PIK3C2G: variants seen among roughly 807,000 people sequenced by gnomAD.
The protein encoded by PIK3C2G is phosphatidylinositol 3-kinase C2 domain-containing subunit gamma.
Under a neutral mutation model 181.1 loss-of-function variants are expected in PIK3C2G, and 168 were observed. The observed-to-expected ratio is 0.93, with a 90% CI of 0.82 to 1.05. The LOEUF is 1.05. PIK3C2G is among the 50% of genes least tolerant of loss of function. PIK3C2G has a pLI of 0.00. For missense variants in PIK3C2G, 1,869 were observed against 1,732.8 expected (o/e 1.08, Z -1.40); for synonymous variants, 573 against 592.2 (o/e 0.97, Z 0.47).
the PIK3C2G span, among the ~76,000 whole-genome samples, chr12:18,667,480 A>G: frequency 6.2e-4 from 95 of 152,190 alleles, no homozygotes; most frequent in Non-Finnish European, 1.2e-3. Context: ...TTTTGAGAAT[A>G]TAATTTTAGT....
chr12:18,550,179 G>A (rs1157331284), intron 26 of PIK3C2G, among the ~76,000 whole-genome samples: 2 of 151,910 alleles, frequency 1.3e-5, no homozygotes, highest in African/African-American at 4.8e-5. Flanking sequence ...TCTTACAGAG[G>A]GGCCAGCAGC....
intron 29 of PIK3C2G, among the ~76,000 whole-genome samples, chr12:18,581,295 TTAGA>T (rs1946488378): frequency 6.6e-6 from 1 of 152,344 alleles, no homozygotes; most frequent in East Asian, 1.9e-4. Flanking sequence ...AAATCCTATA[TTAGA>T]TAAACATATC....
intron 31 of PIK3C2G, among the ~76,000 whole-genome samples, chr12:18,626,825 T>A (rs1949120593): frequency 6.6e-6 from 1 of 152,056 alleles, no homozygotes; most frequent in Admixed American, 6.6e-5. Context: ...ATTTTTTCTT[T>A]GATTTTTTTA....
intron 22 of PIK3C2G, among the ~76,000 whole-genome samples, chr12:18,500,986 C>T (rs1285607340): frequency 2.0e-5 from 3 of 152,090 alleles, no homozygotes; most frequent in African/African-American, 4.8e-5. Context: ...ACACTCACCG[C>T]GTAGGTCCGC....
intron 1 of PIK3C2G, among the ~76,000 whole-genome samples, chr12:18,277,680 G>T (rs947206484): frequency 3.9e-5 from 6 of 152,062 alleles, no homozygotes; most frequent in Admixed American, 6.6e-5. Context: ...TCTCAGAAAG[G>T]TTCCTTTTTT....
chr12:18,377,210 A>G (rs969142217), intron 13 of PIK3C2G, among the ~76,000 whole-genome samples: 3 of 152,176 alleles, frequency 2.0e-5, no homozygotes, highest in African/African-American at 7.2e-5. Context: ...TAATTGCTTT[A>G]TTTAAACACC....
At chr12:18,559,878 T>C (rs1945258588) in intron 26 of PIK3C2G, among the ~76,000 whole-genome samples, 1 of 134,312 alleles carries the variant, frequency 7.4e-6, no homozygotes, top group Non-Finnish European at 1.6e-5. Context: ...AGTTTTGCTC[T>C]TGTTGCCTAG....
intron 32 of PIK3C2G, among the ~76,000 whole-genome samples, chr12:18,645,817 A>T (rs1010914695): frequency 1.3e-5 from 2 of 152,174 alleles, no homozygotes; most frequent in African/African-American, 2.4e-5. Context: ...TATGTTTTTT[A>T]AAAACTTACA....
chr12:18,650,392 T>A (rs1322841780), downstream of PIK3C2G, among the ~76,000 whole-genome samples: 5 of 135,792 alleles, frequency 3.7e-5, no homozygotes, highest in African/African-American at 1.5e-4. Context: ...TGTCTGTGTA[T>A]ACACACACAT....
chr12:18,392,954 G>T (rs1226458659), intron 15 of PIK3C2G, among the ~76,000 whole-genome samples: 1 of 151,972 alleles, frequency 6.6e-6, no homozygotes, highest in Admixed American at 6.6e-5. Flanking sequence ...CTAGACTATT[G>T]TCATCTTAAC....
chr12:18,370,576 T>C (rs2137870909), intron 12 of PIK3C2G, among the ~76,000 whole-genome samples: 1 of 152,262 alleles, frequency 6.6e-6, no homozygotes, highest in Admixed American at 6.5e-5. Flanking sequence ...AGGGAAAAGT[T>C]GAAATTCTTT....
At chr12:18,361,595 ATATG>A (rs1941241751) in intron 11 of PIK3C2G, among the ~76,000 whole-genome samples, 1 of 151,040 alleles carries the variant, frequency 6.6e-6, no homozygotes, top group South Asian at 2.1e-4. Flanking sequence ...CAAACCTTTC[ATATG>A]AGCACATCTT....
chr12:18,385,956 T>C (rs377455881), intron 14 of PIK3C2G, among the ~76,000 whole-genome samples: 18 of 152,278 alleles, frequency 1.2e-4, no homozygotes, highest in Middle Eastern at 3.4e-3. Flanking sequence ...AACCCAGTGA[T>C]GGTTTTCAGT....
chr12:18,481,212 G>A (rs1301936489), intron 18 of PIK3C2G, among the ~76,000 whole-genome samples: 1 of 152,128 alleles, frequency 6.6e-6, no homozygotes, highest in Non-Finnish European at 1.5e-5. Context: ...AGGATTATAG[G>A]CATGAGCCAC....
intron 13 of PIK3C2G, among the ~76,000 whole-genome samples, chr12:18,381,239 G>A (rs371715999): frequency 4.0e-4 from 61 of 151,920 alleles, no homozygotes; most frequent in African/African-American, 1.2e-3. Context: ...ATAAGGAAGC[G>A]TTTCCTCCGT....
intron 26 of PIK3C2G, among the ~76,000 whole-genome samples, chr12:18,558,626 C>G (rs1945134481): frequency 6.6e-6 from 1 of 152,162 alleles, no homozygotes; most frequent in South Asian, 2.1e-4. Context: ...TCATCTGCCT[C>G]TGAGCTTGTG....
intron 31 of PIK3C2G, among the ~76,000 whole-genome samples, chr12:18,635,102 TCC>T (rs1285129360): frequency 6.6e-6 from 1 of 152,176 alleles, no homozygotes; most frequent in Non-Finnish European, 1.5e-5. Flanking sequence ...TTCACCACTG[TCC>T]TTTAGGGATA....
chr12:18,295,535 C>T (rs1949901277), intron 5 of PIK3C2G, among the ~76,000 whole-genome samples: 1 of 149,404 alleles, frequency 6.7e-6, no homozygotes, highest in Admixed American at 6.6e-5. Flanking sequence ...ATTTACACAC[C>T]TTGATTTAAT....
In PIK3C2G at chr12:18,563,427, A is replaced by G; in HGVS notation, c.3831A>G (p.Glu1277=). 1 of 1,613,778 alleles carries G rather than the reference A, an allele frequency of 6.2e-7. No homozygotes were observed. The highest frequency in any genetic ancestry group is 8.5e-7 in the Non-Finnish European group (1 of 1,179,744). ...GCAACAACGAAACAAGCCTGACAGA[A>G]AAATCATTTGAGCAGTTTTCAAAAC... The part of the protein sequence containing the change: ...THSNNETSLT[E]KSFEQFSKLH... Residue 1277 remains glutamate, a synonymous_variant, in exon 28 of 33, where the codon GAA becomes GAG. Coordinates refer to ENST00000538779, the MANE Select transcript of PIK3C2G (RefSeq NM_001288772.2).
Sources: allele counts gnomAD v4.1 joint callset (sites outside exome capture counted in the v4.1 genomes callset), GRCh38; gene constraint gnomAD v4.1.1; transcripts MANE v1.5; gene names NCBI Gene and HGNC (gene_info 2026-07-23, HGNC 2026-07-21).